Variants in SLC2A13 observed in about 807,000 individuals in gnomAD.
The protein encoded by SLC2A13 is solute carrier family 2 member 13.
SLC2A13 carries 32 observed loss-of-function variants against 64.4 expected under a neutral mutation model. The ratio of observed to expected loss-of-function variants is 0.50; its 90% CI spans 0.37 to 0.67. SLC2A13 has a LOEUF of 0.67. SLC2A13 is among the 30% of genes least tolerant of loss of function. The pLI is 0.00. For synonymous variants in SLC2A13, 338 were observed against 327.1 expected (o/e 1.03, Z -0.36); for missense variants, 743 against 829.2 (o/e 0.90, Z 1.28).
rs147001645 is a variant in SLC2A13, at chr12:39,851,863, A to T, written c.1319+12899T>A. Among the ~76,000 whole-genome samples, 77 of 152,342 alleles carry T rather than the reference A, an allele frequency of 5.1e-4. No individual in the cohort carries two copies. The East Asian group carries it at 9.6e-3, about 19-fold the overall frequency. On this transcript the variant is annotated intron_variant, in intron 6 of 9. Coordinates refer to ENST00000280871, the MANE Select transcript of SLC2A13 (RefSeq NM_052885.4). ...TTCCCTGTGTCAAGAATTTTTAAAA[A>T]TGAGATTATTTTCCCTTGTGCTAAA... is the stretch of plus-strand genomic sequence containing the variant.
intron 5 of SLC2A13, among the ~76,000 whole-genome samples, chr12:39,869,326 A>G (rs1384303979): frequency 6.6e-6 from 1 of 152,196 alleles, no homozygotes; most frequent in African/African-American, 2.4e-5. Flanking sequence ...GGACCTATTT[A>G]ATCACTGAAA....
At chr12:40,067,454 A>G (rs944083268) in intron 1 of SLC2A13, among the ~76,000 whole-genome samples, 3 of 152,178 alleles carry the variant, frequency 2.0e-5, no homozygotes, top group Non-Finnish European at 4.4e-5. Context: ...AACCATGTTT[A>G]TTTGAAAGAA....
intron 6 of SLC2A13, among the ~76,000 whole-genome samples, chr12:39,840,984 G>A (rs976801729): frequency 1.3e-5 from 2 of 152,078 alleles, no homozygotes; most frequent in African/African-American, 4.8e-5. Flanking sequence ...AAGATAACAA[G>A]ATTGAAGCTT....
At chr12:39,800,511 G>A (rs1941750984) in intron 7 of SLC2A13, among the ~76,000 whole-genome samples, 1 of 126,026 alleles carries the variant, frequency 7.9e-6, no homozygotes. Flanking sequence ...ATCATCACTG[G>A]CCATCAGAGA....
intron 4 of SLC2A13, among the ~76,000 whole-genome samples, chr12:39,907,350 AT>A (rs1363487178): frequency 6.6e-6 from 1 of 152,072 alleles, no homozygotes; most frequent in African/African-American, 2.4e-5. Flanking sequence ...GATTTTCCTA[AT>A]TTTCTCAATG....
At chr12:40,081,673 A>G (rs958700551) in intron 1 of SLC2A13, among the ~76,000 whole-genome samples, 1 of 152,122 alleles carries the variant, frequency 6.6e-6, no homozygotes, top group East Asian at 1.9e-4. Flanking sequence ...TCTGTATTCT[A>G]TGCCATAATT....
intron 3 of SLC2A13, among the ~76,000 whole-genome samples, chr12:40,023,657 T>C (rs1947758143): frequency 6.6e-6 from 1 of 152,220 alleles, no homozygotes; most frequent in Non-Finnish European, 1.5e-5. Flanking sequence ...AAAGACTCTA[T>C]GCCTTCTATA....
At chr12:39,826,261 T>C (rs1942672901) in intron 7 of SLC2A13, among the ~76,000 whole-genome samples, 2 of 151,950 alleles carry the variant, frequency 1.3e-5, no homozygotes. Flanking sequence ...TGTTTTTGTT[T>C]TTTTGACTTA....
intron 3 of SLC2A13, among the ~76,000 whole-genome samples, chr12:39,962,821 T>G (rs1272482586): frequency 6.6e-6 from 1 of 152,218 alleles, no homozygotes; most frequent in African/African-American, 2.4e-5. Flanking sequence ...CTTGGCCATT[T>G]AGAAGCTGTG....
At chr12:39,768,313 C>A (rs1316885590) in intron 7 of SLC2A13, among the ~76,000 whole-genome samples, 1 of 152,038 alleles carries the variant, frequency 6.6e-6, no homozygotes, top group African/African-American at 2.4e-5. Context: ...TTCTTCATAT[C>A]GGCAATAAGG....
At chr12:39,834,381 C>A (rs1238303578) in intron 6 of SLC2A13, among the ~76,000 whole-genome samples, 18 of 152,046 alleles carry the variant, frequency 1.2e-4, no homozygotes, top group Admixed American at 7.2e-4. Context: ...GCTCTGAAAA[C>A]AAGTGTTCCA....
intron 6 of SLC2A13, among the ~76,000 whole-genome samples, chr12:39,855,890 C>T (rs964052524): frequency 6.6e-6 from 1 of 152,148 alleles, no homozygotes; most frequent in Admixed American, 6.6e-5. Context: ...TAGGAAAACA[C>T]TATCTTATTA....
chr12:40,018,099 G>A (rs895683064), intron 3 of SLC2A13, among the ~76,000 whole-genome samples: 4 of 152,022 alleles, frequency 2.6e-5, no homozygotes, highest in Non-Finnish European at 1.5e-5. Context: ...AATGGTTAAA[G>A]AAGGAATCAG....
chr12:39,792,699 C>T (rs138918005), intron 7 of SLC2A13, among the ~76,000 whole-genome samples: 3 of 152,004 alleles, frequency 2.0e-5, no homozygotes, highest in Non-Finnish European at 2.9e-5. Flanking sequence ...GATATAGATA[C>T]CAAAGTATAT....
At chr12:39,918,961 T>G (rs779489152) in intron 4 of SLC2A13, among the ~76,000 whole-genome samples, 43 of 151,292 alleles carry the variant, frequency 2.8e-4, no homozygotes, top group Non-Finnish European at 5.3e-4. Context: ...CACACACGTG[T>G]GTGTATACAT....
chr12:40,042,604 T>C (rs1948106798), intron 2 of SLC2A13, among the ~76,000 whole-genome samples: 1 of 152,194 alleles, frequency 6.6e-6, no homozygotes. Context: ...TTATAATAAA[T>C]ATCTTTTTAT....
intron 4 of SLC2A13, among the ~76,000 whole-genome samples, chr12:39,918,324 C>T (rs1444188494): frequency 6.7e-6 from 1 of 149,502 alleles, no homozygotes; most frequent in Admixed American, 6.7e-5. Context: ...GGGTGGTGAA[C>T]TAAAATAAGC....
chr12:40,056,936 C>T lies in SLC2A13; in HGVS notation c.557-8726G>A, dbSNP rs902873483. On this transcript the variant is annotated intron_variant, in intron 1 of 9. Coordinates refer to ENST00000280871, the MANE Select transcript of SLC2A13 (RefSeq NM_052885.4). ...TGGAGCTTGCAGTGAGTCGAGATCGCGCCATTGCACTGCAGCCTGGGTGAC... is the reference window on the plus strand; with the variant it reads ...TGGAGCTTGCAGTGAGTCGAGATCGTGCCATTGCACTGCAGCCTGGGTGAC... Among the ~76,000 whole-genome samples, 8 of 151,664 alleles carry T rather than the reference C, an allele frequency of 5.3e-5. No homozygotes were observed. The South Asian group carries it at 6.3e-4, about 12-fold the overall frequency.
At chr12:40,051,549 A>C (rs1948255015) in intron 1 of SLC2A13, among the ~76,000 whole-genome samples, 1 of 152,166 alleles carries the variant, frequency 6.6e-6, no homozygotes, top group African/African-American at 2.4e-5. Flanking sequence ...GGGAAGTGTG[A>C]GGAACATCAG....
Sources: allele counts gnomAD v4.1 joint callset (sites outside exome capture counted in the v4.1 genomes callset), GRCh38; gene constraint gnomAD v4.1.1; transcripts MANE v1.5; gene names NCBI Gene and HGNC (gene_info 2026-07-23, HGNC 2026-07-21).